SNX29: variants seen among roughly 807,000 people sequenced by gnomAD.
SNX29 encodes the protein sorting nexin-29.
In SNX29, 78 loss-of-function variants were observed where a neutral mutation model predicts 102.1. The ratio of observed to expected loss-of-function variants is 0.76; its 90% CI spans 0.64 to 0.92. SNX29 has a LOEUF of 0.92. Among genes scored for constraint, SNX29 ranks in the 40% least tolerant of loss-of-function variants. The pLI, the probability that SNX29 is intolerant of heterozygous loss-of-function variation, is 0.00. For missense variants in SNX29, 1,280 were observed against 1,061.7 expected, an observed-to-expected ratio of 1.21 and a Z score of -2.86; for synonymous variants, 580 against 414.5, an observed-to-expected ratio of 1.40 and a Z score of -4.85.
intron 15 of SNX29, among the ~76,000 whole-genome samples, chr16:12,282,488 C>T (rs578232890): frequency 6.6e-6 from 1 of 152,280 alleles, no homozygotes; most frequent in South Asian, 2.1e-4. Context: ...ATTGTATCTT[C>T]ATTGCCCAAC....
chr16:12,118,095 T>C (rs2141319901), intron 11 of SNX29, among the ~76,000 whole-genome samples: 1 of 152,104 alleles, frequency 6.6e-6, no homozygotes, highest in East Asian at 1.9e-4. Flanking sequence ...AGACTCTGTC[T>C]CAAAAATAAA....
chr16:12,568,858 A>C lies in SNX29; in HGVS notation c.*229A>C. On this transcript the variant is annotated 3_prime_UTR_variant, in exon 21 of 21. Coordinates refer to ENST00000566228, the MANE Select transcript of SNX29 (RefSeq NM_032167.5). ...AGCACCTCGCTGGAGAGACTGGGACACACAGTCCTTCTGCTTCTGGGGTCT... is the reference window on the plus strand; with the variant it reads ...AGCACCTCGCTGGAGAGACTGGGACCCACAGTCCTTCTGCTTCTGGGGTCT... The C allele has an allele frequency of 3.2e-6, 2 of 632,402 alleles. No individual in the cohort carries two copies. The highest frequency in any genetic ancestry group is 3.0e-5 in the East Asian group (1 of 33,138). The allele number at this position is 632,402 out of a possible 1,614,324, so 39.2% of individuals were successfully genotyped here.
chr16:12,046,956 G>C (rs1377781302), intron 6 of SNX29, among the ~76,000 whole-genome samples: 2 of 152,238 alleles, frequency 1.3e-5, no homozygotes, highest in Non-Finnish European at 2.9e-5. Flanking sequence ...GGGAGACCCT[G>C]GCAGAGAAAG....
intron 20 of SNX29, among the ~76,000 whole-genome samples, chr16:12,525,194 C>G (rs536037622): frequency 6.6e-6 from 1 of 152,148 alleles, no homozygotes; most frequent in Non-Finnish European, 1.5e-5. Flanking sequence ...GTCAGTGTTT[C>G]TCAAGCTTGG....
At chr16:12,027,666 C>A in intron 4 of SNX29, 1 of 465,776 alleles carries the variant, frequency 2.1e-6, no homozygotes, top group Non-Finnish European at 3.7e-6. Flanking sequence ...CTCAGAGCCA[C>A]ATGGTACAGT....
At chr16:12,230,896 G>C (rs2077750048) in intron 14 of SNX29, among the ~76,000 whole-genome samples, 1 of 152,130 alleles carries the variant, frequency 6.6e-6, no homozygotes, top group South Asian at 2.1e-4. Context: ...ACCCAGGCTG[G>C]AGTGCAGTGC....
chr16:11,982,886 T>C (rs1227275049), intron 1 of SNX29, among the ~76,000 whole-genome samples: 1 of 152,156 alleles, frequency 6.6e-6, no homozygotes, highest in African/African-American at 2.4e-5. Context: ...TTGCCTGACG[T>C]TAATGTATAT....
intron 18 of SNX29, among the ~76,000 whole-genome samples, chr16:12,473,608 G>A (rs1240837619): frequency 6.6e-6 from 1 of 152,190 alleles, no homozygotes; most frequent in Non-Finnish European, 1.5e-5. Context: ...GACCTACTGG[G>A]CTGCATTTTC....
chr16:12,562,368 C>T (rs1567207309), intron 20 of SNX29, among the ~76,000 whole-genome samples: 1 of 142,734 alleles, frequency 7.0e-6, no homozygotes, highest in Admixed American at 6.8e-5. Context: ...TTGCTTGCAC[C>T]ATTTTTTAAA....
intron 19 of SNX29, among the ~76,000 whole-genome samples, chr16:12,518,733 G>A (rs2089975818): frequency 2.0e-5 from 3 of 152,164 alleles, no homozygotes; most frequent in Non-Finnish European, 4.4e-5. Context: ...AGGCCTGGTG[G>A]GCCATGTCAG....
chr16:12,427,748 C>T (rs559992384), intron 18 of SNX29, among the ~76,000 whole-genome samples: 3 of 152,312 alleles, frequency 2.0e-5, no homozygotes, highest in South Asian at 2.1e-4. Flanking sequence ...TGACCTTGAA[C>T]ATCAGGATTC....
chr16:12,049,539 G>A (rs1334300964), intron 7 of SNX29, among the ~76,000 whole-genome samples: 2 of 151,964 alleles, frequency 1.3e-5, no homozygotes, highest in Non-Finnish European at 2.9e-5. Context: ...CCCCATGTTG[G>A]CCAGGCTGGT....
At chr16:12,548,556 T>C (rs1402808427) in intron 20 of SNX29, among the ~76,000 whole-genome samples, 2 of 152,122 alleles carry the variant, frequency 1.3e-5, no homozygotes, top group Admixed American at 1.3e-4. Flanking sequence ...CTCTAGGGAT[T>C]TTCTATGATG....
intron 16 of SNX29, among the ~76,000 whole-genome samples, chr16:12,377,338 G>C (rs1202060511): frequency 2.0e-5 from 3 of 152,212 alleles, no homozygotes; most frequent in Non-Finnish European, 4.4e-5. Context: ...CCACTGCTCT[G>C]TGTTGTCACC....
chr16:12,566,051 C>T (rs1049145062), intron 20 of SNX29, among the ~76,000 whole-genome samples: 1 of 152,250 alleles, frequency 6.6e-6, no homozygotes, highest in Non-Finnish European at 1.5e-5. Context: ...TGAATGTTCA[C>T]TGTTGCCCAT....
chr16:12,229,079 G>A (rs1260968036), intron 14 of SNX29, among the ~76,000 whole-genome samples: 1 of 152,198 alleles, frequency 6.6e-6, no homozygotes, highest in Non-Finnish European at 1.5e-5. Flanking sequence ...GCCATTCCCT[G>A]GCCTGCCAGG....
At chr16:12,553,764 C>T (rs1441820638) in intron 20 of SNX29, among the ~76,000 whole-genome samples, 5 of 150,490 alleles carry the variant, frequency 3.3e-5, no homozygotes, top group African/African-American at 9.7e-5. Flanking sequence ...AGTTTTTTTC[C>T]TTAAGTACAG....
At chr16:12,009,607 T>A (rs974643777) in intron 3 of SNX29, among the ~76,000 whole-genome samples, 8 of 152,044 alleles carry the variant, frequency 5.3e-5, no homozygotes, top group African/African-American at 1.9e-4. Flanking sequence ...TTCCTTCAGA[T>A]GGAGTCCTGA....
intron 15 of SNX29, among the ~76,000 whole-genome samples, chr16:12,302,783 G>A (rs1439369249): frequency 6.6e-6 from 1 of 152,160 alleles, no homozygotes; most frequent in Non-Finnish European, 1.5e-5. Context: ...AAAACGCCAT[G>A]GAGTGACTTG....
Sources: allele counts gnomAD v4.1 joint callset (sites outside exome capture counted in the v4.1 genomes callset), GRCh38; gene constraint gnomAD v4.1.1; transcripts MANE v1.5; gene names NCBI Gene and HGNC (gene_info 2026-07-23, HGNC 2026-07-21).